The following AFG2A variants were observed in gnomAD, a reference collection of about 807,000 sequenced individuals.
The protein encoded by AFG2A is AAA ATPase AFG2A.
the AFG2A span, among the ~76,000 whole-genome samples, chr4:123,109,724 T>C: frequency 5.9e-5 from 9 of 152,160 alleles, no homozygotes; most frequent in East Asian, 1.7e-3. Context: ...ATAGTTTACT[T>C]ATACACAGTA....
chr4:123,132,721 C>T, the AFG2A span, among the ~76,000 whole-genome samples: 1 of 150,304 alleles, frequency 6.7e-6, no homozygotes, highest in South Asian at 2.1e-4. Flanking sequence ...AATAATGCTT[C>T]AATGAACATG....
the AFG2A span, among the ~76,000 whole-genome samples, chr4:123,084,691 C>T: frequency 0.73 from 110,581 of 151,674 alleles, 40,860 homozygotes; most frequent in East Asian, 0.97. Flanking sequence ...TGCAGTGGTG[C>T]GATCACAGCT....
chr4:122,923,102 A>G, the AFG2A span: 3 of 1,610,988 alleles, frequency 1.9e-6, no homozygotes, highest in East Asian at 2.2e-5. Context: ...GCGCACATTG[A>G]GTCGGCTTTT....
the AFG2A span, chr4:123,028,327 G>T: frequency 6.2e-7 from 1 of 1,614,100 alleles, no homozygotes; most frequent in Non-Finnish European, 8.5e-7. Context: ...TGGGCCACCT[G>T]GGTGCTCTAA....
the AFG2A span, among the ~76,000 whole-genome samples, chr4:123,151,779 G>T: frequency 6.6e-6 from 1 of 152,052 alleles, no homozygotes; most frequent in South Asian, 2.1e-4. Context: ...CCATTACTGG[G>T]TATATACCCA....
chr4:123,137,946 C>T, the AFG2A span, among the ~76,000 whole-genome samples: 2 of 151,938 alleles, frequency 1.3e-5, no homozygotes, highest in East Asian at 3.9e-4. Flanking sequence ...AGTATAGAAC[C>T]CTTACAATGA....
the AFG2A span, among the ~76,000 whole-genome samples, chr4:122,989,921 G>A: frequency 2.0e-5 from 3 of 152,148 alleles, no homozygotes; most frequent in East Asian, 1.9e-4. Flanking sequence ...GCAGTGGTGC[G>A]ACACGGCTCA....
At chr4:123,123,946 C>T in the AFG2A span, among the ~76,000 whole-genome samples, 16 of 97,878 alleles carry the variant, frequency 1.6e-4, no homozygotes, top group African/African-American at 6.8e-4. Flanking sequence ...AGTGAAACTC[C>T]GTCTCAAAAA....
At chr4:122,988,178 T>A in the AFG2A span, among the ~76,000 whole-genome samples, 1 of 151,994 alleles carries the variant, frequency 6.6e-6, no homozygotes, top group Admixed American at 6.5e-5. Flanking sequence ...GTTTCCTTAT[T>A]TGTAATGAGT....
At chr4:123,012,888 G>A in the AFG2A span, among the ~76,000 whole-genome samples, 1 of 152,014 alleles carries the variant, frequency 6.6e-6, no homozygotes, top group African/African-American at 2.4e-5. Context: ...GGAGCAAAGA[G>A]CAGGAGAATA....
At chr4:123,169,829 A>G in the AFG2A span, among the ~76,000 whole-genome samples, 1,863 of 152,260 alleles carry the variant, frequency 0.012, 36 homozygotes, top group African/African-American at 0.042. Context: ...AAACAAGCAG[A>G]CATCTGTAAT....
chr4:122,929,311 G>A, the AFG2A span: 1 of 1,243,750 alleles, frequency 8.0e-7, no homozygotes, highest in Non-Finnish European at 1.1e-6. Flanking sequence ...ATTTTAAAAA[G>A]TAGAGAGAAA....
the AFG2A span, among the ~76,000 whole-genome samples, chr4:123,055,791 C>T: frequency 1.3e-5 from 2 of 152,110 alleles, no homozygotes; most frequent in African/African-American, 4.8e-5. Flanking sequence ...GTCAGAATAG[C>T]CAGATGCTCG....
chr4:123,201,336 C>T, the AFG2A span, among the ~76,000 whole-genome samples: 4 of 152,170 alleles, frequency 2.6e-5, no homozygotes, highest in South Asian at 2.1e-4. Flanking sequence ...CAACAATCTA[C>T]GTTTCCCAAG....
the AFG2A span, chr4:122,933,347 T>A: frequency 1.0e-6 from 1 of 965,132 alleles, no homozygotes; most frequent in Non-Finnish European, 1.6e-6. Flanking sequence ...TGATTAAGTC[T>A]ATATTATAAC....
At chr4:123,268,090 C>T in the AFG2A span, among the ~76,000 whole-genome samples, 5 of 151,896 alleles carry the variant, frequency 3.3e-5, no homozygotes, top group African/African-American at 4.8e-5. Flanking sequence ...ATTGGTATTT[C>T]GATGCCTCTT....
the AFG2A span, among the ~76,000 whole-genome samples, chr4:123,295,494 C>T: frequency 1.3e-5 from 2 of 152,342 alleles, no homozygotes; most frequent in Non-Finnish European, 2.9e-5. Context: ...AAACTATGCT[C>T]CTATAAAAGG....
chr4:123,283,579 T>A, the AFG2A span, among the ~76,000 whole-genome samples: 1 of 152,234 alleles, frequency 6.6e-6, no homozygotes, highest in Non-Finnish European at 1.5e-5. Context: ...TCAGGGATCA[T>A]TAAACTACAG....
chr4:123,222,997 G>A, the AFG2A span, among the ~76,000 whole-genome samples: 4 of 152,224 alleles, frequency 2.6e-5, no homozygotes, highest in African/African-American at 9.6e-5. Flanking sequence ...CTGCATGAAC[G>A]TGAGGGTGCT....
Sources: gnomAD v4.1 joint callset for allele counts (sites outside exome capture counted in the v4.1 genomes callset) on GRCh38, gnomAD v4.1.1 for gene constraint, MANE v1.5 for transcripts, NCBI Gene and HGNC (gene_info 2026-07-23, HGNC 2026-07-21) for gene names.